Variants in KAZN observed in about 807,000 individuals in gnomAD.
The protein encoded by KAZN is kazrin, periplakin interacting protein.
A neutral mutation model predicts 87.4 loss-of-function variants in KAZN; 40 were observed. The observed-to-expected ratio is 0.46, with a 90% CI of 0.36 to 0.60. The LOEUF (loss-of-function observed/expected upper bound fraction) is 0.60. KAZN is among the 20% of genes least tolerant of loss of function. KAZN has a pLI of 0.00. For synonymous variants in KAZN, 466 were observed against 458.3 expected, an observed-to-expected ratio of 1.02 and a Z score of -0.22; for missense variants, 898 against 1,073.9, an observed-to-expected ratio of 0.84 and a Z score of 2.29.
chr1:14,627,193 C>G (rs932463192), intron 1 of KAZN, among the ~76,000 whole-genome samples: 1 of 151,908 alleles, frequency 6.6e-6, no homozygotes, highest in Non-Finnish European at 1.5e-5. Context: ...GAAGCCTTCT[C>G]AGAGCGGGAA....
intron 2 of KAZN, among the ~76,000 whole-genome samples, chr1:14,327,463 G>A (rs968619697): frequency 1.3e-5 from 2 of 151,974 alleles, no homozygotes; most frequent in African/African-American, 4.8e-5. Context: ...CCCCCTAGCG[G>A]GCCTCAGTCT....
At chr1:14,007,053 G>A (rs1041021591) in intron 1 of KAZN, among the ~76,000 whole-genome samples, 4 of 151,998 alleles carry the variant, frequency 2.6e-5, no homozygotes, top group African/African-American at 9.7e-5. Context: ...TCACCTCCTT[G>A]ATTACATTTA....
chr1:14,852,501 C>T (rs1006443754), intron 1 of KAZN, among the ~76,000 whole-genome samples: 1 of 152,322 alleles, frequency 6.6e-6, no homozygotes, highest in South Asian at 2.1e-4. Context: ...CAGCCCCCTC[C>T]CCACCTGCAG....
chr1:14,065,195 C>T (rs111676452), intron 1 of KAZN, among the ~76,000 whole-genome samples: 8,064 of 152,202 alleles, frequency 0.053, 273 homozygotes, highest in Middle Eastern at 0.095. Context: ...GAATCTGTTC[C>T]GGCTTGCCTT....
At chr1:14,292,470 G>A (rs1266642053) in intron 2 of KAZN, among the ~76,000 whole-genome samples, 2 of 152,154 alleles carry the variant, frequency 1.3e-5, no homozygotes, top group South Asian at 2.1e-4. Flanking sequence ...GAGGAGCTGC[G>A]AGATATAGGG....
At chr1:14,993,617 C>G (rs1336154427) in intron 2 of KAZN, among the ~76,000 whole-genome samples, 2 of 152,212 alleles carry the variant, frequency 1.3e-5, no homozygotes, top group Non-Finnish European at 2.9e-5. Flanking sequence ...CCGCCGCCAC[C>G]CCCCTGCTGC....
Position 15,066,749 on chromosome 1 carries a change from G to A in KAZN, c.1222+996G>A, listed in dbSNP as rs973175104. ...TACCCAACTGTGCAAAGTAGTTTAG[G>A]GTGGCCAGAACCCAGGGACCATTGG... On this transcript the variant is annotated intron_variant, in intron 8 of 14. Transcript: ENST00000376030. This position sits in a 1 kb window ranked among gnomAD's most constrained non-coding sequence, Gnocchi z 4.3. 9 of 985,270 alleles carry A rather than the reference G, an allele frequency of 9.1e-6. No homozygotes were observed. The East Asian group carries it at 3.4e-4, about 37-fold the overall frequency. The allele number at this position is 985,270 out of a possible 1,614,324, so 61.0% of individuals were successfully genotyped here.
intron 2 of KAZN, among the ~76,000 whole-genome samples, chr1:14,334,167 A>C (rs1657052836): frequency 6.6e-6 from 1 of 152,020 alleles, no homozygotes; most frequent in South Asian, 2.1e-4. Flanking sequence ...GGAGTTCTAG[A>C]CCAGCCTGAC....
chr1:14,046,928 C>T (rs1570606922), intron 1 of KAZN, among the ~76,000 whole-genome samples: 1 of 152,158 alleles, frequency 6.6e-6, no homozygotes, highest in East Asian at 1.9e-4. Flanking sequence ...GAAGGCAATC[C>T]TGTAATCTTA....
At chr1:14,272,912 A>C (rs1652063054) in intron 2 of KAZN, among the ~76,000 whole-genome samples, 1 of 152,140 alleles carries the variant, frequency 6.6e-6, no homozygotes, top group Non-Finnish European at 1.5e-5. Context: ...CAACATTGTG[A>C]ATTCAGTCAG....
At chr1:15,109,743 TTGTG>T (rs1246914513) in intron 13 of KAZN, among the ~76,000 whole-genome samples, 1 of 149,264 alleles carries the variant, frequency 6.7e-6, no homozygotes, top group Non-Finnish European at 1.5e-5. Context: ...GTATGTGTGT[TTGTG>T]TTTGTATGTT....
At chr1:14,014,056 C>T (rs139502961) in intron 1 of KAZN, among the ~76,000 whole-genome samples, 1 of 152,118 alleles carries the variant, frequency 6.6e-6, no homozygotes, top group African/African-American at 2.4e-5. Flanking sequence ...CATTGAAAAG[C>T]GTTTCATACC....
At chr1:14,234,884 A>G (rs1571096289) in intron 2 of KAZN, among the ~76,000 whole-genome samples, 1 of 152,364 alleles carries the variant, frequency 6.6e-6, no homozygotes. Flanking sequence ...CACTGCTGCA[A>G]TTCTATCTGG....
At chr1:15,043,079 C>T (rs1027172704) in intron 3 of KAZN, among the ~76,000 whole-genome samples, 1 of 152,206 alleles carries the variant, frequency 6.6e-6, no homozygotes, top group South Asian at 2.1e-4. Context: ...CAGAAAACAG[C>T]TCATGCAGGA....
At chr1:14,190,602 G>C (rs1001880353) in intron 2 of KAZN, among the ~76,000 whole-genome samples, 3 of 152,122 alleles carry the variant, frequency 2.0e-5, no homozygotes, top group African/African-American at 7.2e-5. Context: ...CAGTAAAAAG[G>C]GTGGGTCGCT....
chr1:14,419,947 G>C (rs536433685), intron 2 of KAZN, among the ~76,000 whole-genome samples: 77 of 152,260 alleles, frequency 5.1e-4, no homozygotes, highest in African/African-American at 1.6e-3. Context: ...ACTTCCACAA[G>C]GTGGAAGGGA....
chr1:14,198,602 A>G (rs1055110717), intron 2 of KAZN, among the ~76,000 whole-genome samples: 1 of 152,176 alleles, frequency 6.6e-6, no homozygotes, highest in African/African-American at 2.4e-5. Flanking sequence ...TCTATCTCCA[A>G]ATAATAATAA....
At chr1:13,940,511 T>A (rs573990471) in intron 1 of KAZN, among the ~76,000 whole-genome samples, 2 of 152,314 alleles carry the variant, frequency 1.3e-5, no homozygotes, top group South Asian at 4.1e-4. Context: ...TGATTGTGTA[T>A]ATTTGAAACT....
intron 1 of KAZN, among the ~76,000 whole-genome samples, chr1:13,902,701 C>T (rs1261265635): frequency 6.6e-6 from 1 of 152,124 alleles, no homozygotes; most frequent in African/African-American, 2.4e-5. Flanking sequence ...GGGAATGTTC[C>T]TGGCATAAAG....
Sources: gnomAD v4.1 joint callset for allele counts (sites outside exome capture counted in the v4.1 genomes callset) on GRCh38, gnomAD v4.1.1 for gene constraint, Gnocchi (gnomAD v3.1) non-coding constraint, MANE v1.5 for transcripts, NCBI Gene and HGNC (gene_info 2026-07-23, HGNC 2026-07-21) for gene names.